PLXNC1: variants seen among roughly 807,000 people sequenced by gnomAD.
PLXNC1 encodes the protein plexin-C1.
A neutral mutation model predicts 178.2 loss-of-function variants in PLXNC1; 75 were observed. The observed-to-expected ratio is 0.42, with a 90% CI of 0.35 to 0.51. The LOEUF (loss-of-function observed/expected upper bound fraction) is 0.51. Ranked by LOEUF, PLXNC1 falls within the 20% of genes least tolerant of loss-of-function variation. PLXNC1 has a pLI of 0.02. For synonymous variants in PLXNC1, 790 were observed against 779.9 expected (o/e 1.01, Z -0.22); for missense variants, 1,503 against 1,984.4 (o/e 0.76, Z 4.61).
At chr12:94,225,951 C>T (rs1035278538) in intron 7 of PLXNC1, among the ~76,000 whole-genome samples, 8 of 152,226 alleles carry the variant, frequency 5.3e-5, no homozygotes, top group African/African-American at 1.7e-4. Context: ...CGGCCCTGTG[C>T]TAGCACCCCT....
At chr12:94,164,357 T>C (rs1488912047) in intron 1 of PLXNC1, among the ~76,000 whole-genome samples, 1 of 152,198 alleles carries the variant, frequency 6.6e-6, no homozygotes, top group East Asian at 1.9e-4. Context: ...CACTTGACTC[T>C]TGCTTGGTGC....
In PLXNC1 at chr12:94,149,787, G is replaced by C; in HGVS notation, c.816G>C (p.Glu272Asp). ...TGGCGCGCATCGCGCAGAGCACCGA[G>C]GTGCTGTTCCAGGGCCAGGCATCCC... Reference protein sequence around the residue: ...PSMARIAQSTEVLFQGQASLD... With the variant: ...PSMARIAQSTDVLFQGQASLD... Residue 272 changes from glutamate (E) to aspartate (D), a missense_variant, in exon 1 of 31, where the codon GAG becomes GAC. By Grantham distance (45) the Glu-to-Asp change is conservative. This residue lies in a region of PLXNC1 where 615 missense variants were observed against 698.6 expected (regional missense o/e 0.88). Coordinates refer to ENST00000258526, the MANE Select transcript of PLXNC1 (RefSeq NM_005761.3). 2 of 1,607,760 alleles carry C rather than the reference G, an allele frequency of 1.2e-6. No homozygotes were observed. The highest frequency in any genetic ancestry group is 1.7e-6 in the Non-Finnish European group (2 of 1,178,796).
At chr12:94,164,868 C>T (rs886512794) in intron 1 of PLXNC1, among the ~76,000 whole-genome samples, 15 of 152,094 alleles carry the variant, frequency 9.9e-5, no homozygotes, top group East Asian at 7.7e-4. Context: ...AACGTGTAGG[C>T]GTGACGTTAT....
At position 94,218,704 on chromosome 12, in the gene PLXNC1, C is replaced by T. The variant is rs553247167; in HGVS notation, c.1555-1312C>T. Among the ~76,000 whole-genome samples the T allele has an allele frequency of 5.9e-5, 9 of 152,188 alleles. No individual in the cohort carries two copies. The South Asian group carries it at 1.7e-3, about 28-fold the overall frequency. On this transcript the variant is annotated intron_variant, in intron 5 of 30. Coordinates refer to ENST00000258526, the MANE Select transcript of PLXNC1 (RefSeq NM_005761.3). ...TCTTTTTGTGTCCCTACTATACACA[C>T]ACACACACACACGTACAGGCACACA...
intron 4 of PLXNC1, among the ~76,000 whole-genome samples, chr12:94,189,802 G>A (rs953970731): frequency 6.6e-6 from 1 of 152,148 alleles, no homozygotes; most frequent in African/African-American, 2.4e-5. Context: ...CCATATGATT[G>A]TCAAGATCAT....
At chr12:94,165,388 A>G (rs772218857) in intron 1 of PLXNC1, among the ~76,000 whole-genome samples, 36 of 152,174 alleles carry the variant, frequency 2.4e-4, no homozygotes, top group Non-Finnish European at 4.7e-4. Context: ...TTCCAGCACA[A>G]AAGAATCCAT....
chr12:94,290,496 G>A (rs1285159827), intron 23 of PLXNC1, among the ~76,000 whole-genome samples: 15 of 151,164 alleles, frequency 9.9e-5, no homozygotes, highest in Admixed American at 9.9e-4. Context: ...GATGGCCCCA[G>A]CCGGCCCCTG....
chr12:94,265,030 A>G (rs770288579), intron 20 of PLXNC1, 49 bp from the exon 21 acceptor site: 1 of 1,594,684 alleles, frequency 6.3e-7, no homozygotes, highest in South Asian at 1.1e-5. Flanking sequence ...TTTGGAAAGT[A>G]CAGTGGATTC....
chr12:94,284,743 C>T (rs1966721612), intron 23 of PLXNC1, among the ~76,000 whole-genome samples: 1 of 152,066 alleles, frequency 6.6e-6, no homozygotes. Context: ...ATGCTGTGGC[C>T]TCTTACAAGA....
At chr12:94,160,526 G>A (rs141592953) in intron 1 of PLXNC1, among the ~76,000 whole-genome samples, 1 of 152,248 alleles carries the variant, frequency 6.6e-6, no homozygotes, top group Non-Finnish European at 1.5e-5. Flanking sequence ...TCGCCCCTTG[G>A]TCTTCTCCTG....
chr12:94,254,236 C>T (rs1239225249), intron 15 of PLXNC1, among the ~76,000 whole-genome samples: 1 of 152,176 alleles, frequency 6.6e-6, no homozygotes, highest in Admixed American at 6.5e-5. Flanking sequence ...TGGTTTATGG[C>T]CTCTGCAGCA....
At chr12:94,152,026 C>A (rs1342816076) in intron 1 of PLXNC1, among the ~76,000 whole-genome samples, 2 of 152,204 alleles carry the variant, frequency 1.3e-5, no homozygotes, top group Admixed American at 6.5e-5. Context: ...CCCTCCACAG[C>A]ATTTCTTGCT....
At chr12:94,177,219 GTATATATATACATATATATATATA>G (rs1962123305) in intron 2 of PLXNC1, among the ~76,000 whole-genome samples, 1 of 88,456 alleles carries the variant, frequency 1.1e-5, no homozygotes, top group East Asian at 3.1e-4. Flanking sequence ...ATATGTGTGT[GTATATATATACATATATATATATA>G]TATATATATG....
intron 5 of PLXNC1, among the ~76,000 whole-genome samples, chr12:94,210,789 C>G (rs1592767734): frequency 6.6e-6 from 1 of 152,144 alleles, no homozygotes; most frequent in African/African-American, 2.4e-5. Flanking sequence ...AACTTTCATA[C>G]AAACTTCTAC....
Position 94,155,629 on chromosome 12 carries a change from G to A in PLXNC1, c.1062+5596G>A, listed in dbSNP as rs551490047. 1.8e-3 allele frequency among the ~76,000 whole-genome samples: 275 copies of A among 152,250 alleles called. 1 individual carries two copies. Among genetic ancestry groups the A allele is most frequent in the Non-Finnish European group, 3.3e-3 (222 of 68,006 alleles). ...GGCAGTACCTAGAAAGCCCTTTAAA[G>A]ACTTGCCATTTTTGGGCTTAGAGTC... On this transcript the variant is annotated intron_variant, in intron 1 of 30. Coordinates refer to ENST00000258526, the MANE Select transcript of PLXNC1 (RefSeq NM_005761.3).
At chr12:94,254,934 T>C (rs1174829863) in intron 16 of PLXNC1, 46 bp downstream of exon 16, 1 of 1,432,852 alleles carries the variant, frequency 7.0e-7, no homozygotes, top group Non-Finnish European at 9.7e-7. Context: ...CTTTTATATT[T>C]ATACTTTTAT....
At chr12:94,213,590 C>T (rs776374335) in intron 5 of PLXNC1, among the ~76,000 whole-genome samples, 3 of 152,148 alleles carry the variant, frequency 2.0e-5, no homozygotes, top group Non-Finnish European at 4.4e-5. Context: ...AATTTTCTCC[C>T]GTTCTGTAGG....
intron 9 of PLXNC1, among the ~76,000 whole-genome samples, chr12:94,229,945 T>G (rs940812161): frequency 6.6e-6 from 1 of 152,230 alleles, no homozygotes; most frequent in Admixed American, 6.5e-5. Flanking sequence ...CTTAATATCT[T>G]TTACCCAGTT....
rs769497029 is a variant in PLXNC1 at position 94,209,659 on chromosome 12, A to G, written c.1509A>G (p.Ala503=). 1.9e-5 allele frequency: 31 copies of G among 1,612,692 alleles called. No homozygotes were observed. In the South Asian group the frequency reaches 3.4e-4, roughly 18 times the overall value. Residue 503 remains alanine (A), a synonymous_variant, in exon 5 of 31, where the codon GCA becomes GCG. Transcript: ENST00000258526. ...ACTGGCTGGATATTTCGTCTGGAGC[A>G]AAAAAGTGCCCTAAAATTCAGATAA... The part of the protein sequence containing the change: ...LENWLDISSG[A]KKCPKIQIIR...
Sources: gnomAD v4.1 joint callset for allele counts (sites outside exome capture counted in the v4.1 genomes callset) on GRCh38, gnomAD v4.1.1 for gene constraint, gnomAD v4.1.1 regional missense constraint, MANE v1.5 for transcripts, NCBI Gene and HGNC (gene_info 2026-07-23, HGNC 2026-07-21) for gene names.